CACNA1C: variants seen among roughly 807,000 people sequenced by gnomAD.
CACNA1C encodes the protein calcium voltage-gated channel subunit alpha1 C.
CACNA1C carries 30 observed loss-of-function variants against 229.0 expected under a neutral mutation model. The ratio of observed to expected loss-of-function variants is 0.13; its 90% CI spans 0.10 to 0.18. CACNA1C has a LOEUF of 0.18. CACNA1C is among the 10% of genes least tolerant of loss of function. The probability of loss-of-function intolerance (pLI) is 1.00; values close to 1 mark genes in which losing one functional copy is unlikely to be tolerated. For synonymous variants in CACNA1C, 1,114 were observed against 1,132.5 expected (o/e 0.98, Z 0.33); for missense variants, 1,658 against 2,845.0 (o/e 0.58, Z 9.49).
At chr12:2,301,405 G>A (rs2094549381) in intron 3 of CACNA1C, among the ~76,000 whole-genome samples, 1 of 152,194 alleles carries the variant, frequency 6.6e-6, no homozygotes, top group Non-Finnish European at 1.5e-5. Flanking sequence ...GTTTAGCACA[G>A]AGGCAGGGCA....
chr12:2,366,656 A>G lies in CACNA1C; in HGVS notation c.478-82320A>G, dbSNP rs140841217. On this transcript the variant is annotated intron_variant, in intron 3 of 46. Coordinates refer to ENST00000399655, the MANE Select transcript of CACNA1C (RefSeq NM_000719.7). Reference sequence around the variant, plus strand: ...TCAAGATAAAACAAAAGTATACTCTATGACAGCAGTCCCCAACCTTTTTGG... The same window carrying G: ...TCAAGATAAAACAAAAGTATACTCTGTGACAGCAGTCCCCAACCTTTTTGG... Among the ~76,000 whole-genome samples the G allele has an allele frequency of 6.3e-3, 964 of 152,362 alleles. 6 individuals are homozygous for G. The highest frequency in any genetic ancestry group is 0.022 in the African/African-American group (920 of 41,588).
intron 29 of CACNA1C, among the ~76,000 whole-genome samples, chr12:2,623,304 C>T (rs746921300): frequency 2.6e-5 from 4 of 152,064 alleles, no homozygotes; most frequent in Admixed American, 6.6e-5. Flanking sequence ...GCAGAAGCTT[C>T]GCTGTTCCTC....
chr12:2,244,478 C>T lies in CACNA1C; in HGVS notation c.477+124048C>T, dbSNP rs539205182. On this transcript the variant is annotated intron_variant, in intron 3 of 46. Transcript: ENST00000399655. ...AAACACTAAATACAGTCATCTCCTC[C>T]GGAAACTGCCCCCCAGGTCCCAGCA... Among the ~76,000 whole-genome samples, 5 of 152,350 alleles carry T rather than the reference C, an allele frequency of 3.3e-5. No homozygotes were observed. The East Asian group carries it at 5.8e-4, about 18-fold the overall frequency.
chr12:2,268,987 G>A (rs185657464), intron 3 of CACNA1C, among the ~76,000 whole-genome samples: 48 of 152,284 alleles, frequency 3.2e-4, no homozygotes, highest in African/African-American at 1.0e-3. Context: ...GCCCAGGGTC[G>A]GATGTCTTGG....
At position 2,330,482 on chromosome 12, in the gene CACNA1C, A is replaced by G. The variant is rs964658484; in HGVS notation, c.478-118494A>G. Reference sequence around the variant, plus strand: ...TGTTTTGACTCCTTTAATACTCATGATATCCTGCAAGGTAGGTGCACTGAT... The same window carrying G: ...TGTTTTGACTCCTTTAATACTCATGGTATCCTGCAAGGTAGGTGCACTGAT... On this transcript the variant is annotated intron_variant, in intron 3 of 46. Coordinates refer to ENST00000399655, the MANE Select transcript of CACNA1C (RefSeq NM_000719.7). Among the ~76,000 whole-genome samples the G allele has an allele frequency of 7.9e-5, 12 of 152,350 alleles. No homozygotes were observed. In the East Asian group the frequency reaches 2.3e-3, roughly 29 times the overall value.
chr12:1,995,004 G>C (rs113948889), intron 1 of CACNA1C, among the ~76,000 whole-genome samples: 4,160 of 149,660 alleles, frequency 0.028, 96 homozygotes, highest in Middle Eastern at 0.058. Context: ...TTGTTTTGCA[G>C]GGGATAAGGG....
intron 1 of CACNA1C, among the ~76,000 whole-genome samples, chr12:1,974,148 G>A (rs1206369797): frequency 1.3e-5 from 2 of 152,192 alleles, no homozygotes; most frequent in Non-Finnish European, 2.9e-5. Context: ...GAGTTGAAAT[G>A]AAATCTAAGA....
intron 3 of CACNA1C, among the ~76,000 whole-genome samples, chr12:2,316,258 T>A (rs1429975626): frequency 2.0e-5 from 3 of 152,254 alleles, no homozygotes; most frequent in Non-Finnish European, 4.4e-5. Context: ...ATCTGTATGG[T>A]CTTGAGAAAG....
At chr12:2,626,469 C>T (rs896636625) in intron 29 of CACNA1C, among the ~76,000 whole-genome samples, 8 of 152,210 alleles carry the variant, frequency 5.3e-5, no homozygotes, top group African/African-American at 1.9e-4. Context: ...GAGATTGCTC[C>T]TCCTTGTTCC....
At chr12:2,294,687 C>T (rs973736909) in intron 3 of CACNA1C, among the ~76,000 whole-genome samples, 25 of 152,252 alleles carry the variant, frequency 1.6e-4, no homozygotes, top group Middle Eastern at 3.4e-3. Context: ...AGTACAGCTG[C>T]GGGTGAAATG....
chr12:2,644,702 A>G (rs139785107), intron 30 of CACNA1C, among the ~76,000 whole-genome samples: 19 of 152,226 alleles, frequency 1.2e-4, no homozygotes, highest in Admixed American at 3.9e-4. Flanking sequence ...TGGCACTCCA[A>G]TGAAAATAAG....
At chr12:2,204,160 G>A (rs1165050110) in intron 3 of CACNA1C, among the ~76,000 whole-genome samples, 2 of 151,972 alleles carry the variant, frequency 1.3e-5, no homozygotes, top group African/African-American at 2.4e-5. Context: ...GGTGTGAGAT[G>A]GTATCTCATT....
chr12:2,184,318 G>T (rs1425393377), intron 3 of CACNA1C, among the ~76,000 whole-genome samples: 1 of 152,174 alleles, frequency 6.6e-6, no homozygotes, highest in Non-Finnish European at 1.5e-5. Context: ...GATGCTCCAT[G>T]GACTGTAGGA....
At chr12:2,680,325 C>T in intron 42 of CACNA1C, 2 of 1,430,390 alleles carry the variant, frequency 1.4e-6, no homozygotes, top group Non-Finnish European at 1.9e-6. Flanking sequence ...ACTCCTGACT[C>T]ACTCTTTTCT....
At chr12:2,477,473 T>C (rs143828686) in intron 5 of CACNA1C, among the ~76,000 whole-genome samples, 1 of 152,198 alleles carries the variant, frequency 6.6e-6, no homozygotes, top group Non-Finnish European at 1.5e-5. Flanking sequence ...CTGTCTTATC[T>C]GCGAGTCATC....
chr12:2,035,086 C>G (rs2048876144), intron 1 of CACNA1C, among the ~76,000 whole-genome samples: 1 of 152,202 alleles, frequency 6.6e-6, no homozygotes, highest in Non-Finnish European at 1.5e-5. Flanking sequence ...CCTGCTGGTG[C>G]GCGGAGATGC....
At chr12:2,468,352 T>G (rs1227236670) in intron 5 of CACNA1C, among the ~76,000 whole-genome samples, 4 of 152,214 alleles carry the variant, frequency 2.6e-5, no homozygotes, top group Admixed American at 1.3e-4. Flanking sequence ...TGATAAATGT[T>G]AGGGTTACCT....
At chr12:2,650,180 G>A (rs1452641559) in intron 31 of CACNA1C, among the ~76,000 whole-genome samples, 1 of 152,214 alleles carries the variant, frequency 6.6e-6, no homozygotes, top group Non-Finnish European at 1.5e-5. Context: ...GATCTGGAAA[G>A]CAGGAGAGGT....
intron 29 of CACNA1C, among the ~76,000 whole-genome samples, chr12:2,627,231 C>G (rs902463082): frequency 6.6e-6 from 1 of 152,184 alleles, no homozygotes; most frequent in Non-Finnish European, 1.5e-5. Flanking sequence ...CCCACCTCCT[C>G]CCAGGCTGCT....
Sources: allele counts gnomAD v4.1 joint callset (sites outside exome capture counted in the v4.1 genomes callset), GRCh38; gene constraint gnomAD v4.1.1; transcripts MANE v1.5; gene names NCBI Gene and HGNC (gene_info 2026-07-23, HGNC 2026-07-21).